The following FHIT variants were observed in gnomAD, a reference collection of about 807,000 sequenced individuals.
FHIT encodes the protein bis(5'-adenosyl)-triphosphatase.
FHIT carries 19 observed loss-of-function variants against 17.9 expected under a neutral mutation model. That is an observed-to-expected ratio of 1.06 (90% CI 0.74 to 1.56). The LOEUF is 1.56. Among genes scored for constraint, FHIT ranks in the 40% most tolerant of loss-of-function variants. The probability of loss-of-function intolerance (pLI) is 0.00; values close to 1 mark genes in which losing one functional copy is unlikely to be tolerated. For synonymous variants in FHIT, 81 were observed against 69.7 expected (o/e 1.16, Z -0.81); for missense variants, 248 against 189.2 (o/e 1.31, Z -1.82).
At chr3:60,001,935 G>T (rs1369568344) in intron 7 of FHIT, among the ~76,000 whole-genome samples, 1 of 152,160 alleles carries the variant, frequency 6.6e-6, no homozygotes, top group African/African-American at 2.4e-5. Context: ...AGGGCACCAG[G>T]ATGGAAAGCA....
intron 3 of FHIT, among the ~76,000 whole-genome samples, chr3:60,848,618 A>G (rs75825556): frequency 0.025 from 3,877 of 152,240 alleles, 166 homozygotes; most frequent in African/African-American, 0.087. Flanking sequence ...AATACAACCT[A>G]GAGTAAGTCA....
chr3:60,860,286 T>A (rs973060157), intron 3 of FHIT, among the ~76,000 whole-genome samples: 1 of 148,696 alleles, frequency 6.7e-6, no homozygotes, highest in Non-Finnish European at 1.5e-5. Context: ...ACATCATATG[T>A]ATACATGAGA....
chr3:60,734,731 G>T (rs1025411717), intron 4 of FHIT, among the ~76,000 whole-genome samples: 16 of 152,224 alleles, frequency 1.1e-4, no homozygotes, highest in Admixed American at 8.5e-4. Context: ...AAGTTGACCA[G>T]TCAAGAAGAA....
intron 8 of FHIT, among the ~76,000 whole-genome samples, chr3:59,850,071 T>C (rs561185220): frequency 7.0e-4 from 106 of 152,322 alleles, no homozygotes; most frequent in African/African-American, 2.4e-3. Context: ...AATGCTAACA[T>C]GAAATTCCCT....
At chr3:61,083,421 T>G (rs2035207579) in intron 2 of FHIT, among the ~76,000 whole-genome samples, 1 of 152,094 alleles carries the variant, frequency 6.6e-6, no homozygotes, top group African/African-American at 2.4e-5. Flanking sequence ...AAACCCCGTC[T>G]CTACTAAAAA....
chr3:60,215,891 A>G (rs953939383), intron 5 of FHIT, among the ~76,000 whole-genome samples: 1 of 152,202 alleles, frequency 6.6e-6, no homozygotes, highest in African/African-American at 2.4e-5. Flanking sequence ...TAATTTTTGG[A>G]TTAATTTTGA....
At chr3:60,389,824 G>C (rs749549817) in intron 5 of FHIT, among the ~76,000 whole-genome samples, 10 of 152,044 alleles carry the variant, frequency 6.6e-5, no homozygotes, top group Admixed American at 1.3e-4. Context: ...TTGACTAACT[G>C]TCATCTCCTT....
intron 2 of FHIT, among the ~76,000 whole-genome samples, chr3:61,180,309 T>G (rs921387031): frequency 1.3e-5 from 2 of 152,220 alleles, no homozygotes; most frequent in Non-Finnish European, 1.5e-5. Context: ...TGTGGTGAAC[T>G]TTCATAATAA....
intron 8 of FHIT, among the ~76,000 whole-genome samples, chr3:59,769,099 G>A (rs1701947485): frequency 6.6e-6 from 1 of 152,180 alleles, no homozygotes; most frequent in Non-Finnish European, 1.5e-5. Context: ...GTCTGTGCCT[G>A]CACACAGAGG....
chr3:59,776,933 C>T (rs1264589382), intron 8 of FHIT, among the ~76,000 whole-genome samples: 1 of 152,096 alleles, frequency 6.6e-6, no homozygotes, highest in African/African-American at 2.4e-5. Flanking sequence ...TAACCTATAA[C>T]TCCTGTTCCA....
At chr3:60,444,992 G>A (rs186660063) in intron 5 of FHIT, among the ~76,000 whole-genome samples, 33 of 152,222 alleles carry the variant, frequency 2.2e-4, no homozygotes, top group African/African-American at 7.0e-4. Context: ...ATTGAAAAGC[G>A]ATGAAAGGAA....
At chr3:61,062,988 T>G (rs1209509610) in intron 2 of FHIT, among the ~76,000 whole-genome samples, 3 of 152,104 alleles carry the variant, frequency 2.0e-5, no homozygotes, top group Non-Finnish European at 4.4e-5. Flanking sequence ...TTCTTCTTCA[T>G]CATCTTCGTC....
chr3:60,887,667 A>G (rs1340845054), intron 3 of FHIT, among the ~76,000 whole-genome samples: 2 of 152,180 alleles, frequency 1.3e-5, no homozygotes, highest in East Asian at 1.9e-4. Flanking sequence ...ACAAAAAAAA[A>G]GAGTAAATAA....
At chr3:61,133,503 C>G (rs953398362) in intron 2 of FHIT, among the ~76,000 whole-genome samples, 1 of 152,062 alleles carries the variant, frequency 6.6e-6, no homozygotes, top group Non-Finnish European at 1.5e-5. Context: ...CCAGAATAAA[C>G]AAGGTAAATT....
chr3:61,018,203 T>A (rs1216813304), intron 3 of FHIT, among the ~76,000 whole-genome samples: 1 of 152,180 alleles, frequency 6.6e-6, no homozygotes, highest in Non-Finnish European at 1.5e-5. Flanking sequence ...ACCTAGTAAG[T>A]GATGGAACCA....
intron 5 of FHIT, among the ~76,000 whole-genome samples, chr3:60,226,150 G>A (rs1249950594): frequency 1.3e-5 from 2 of 152,072 alleles, no homozygotes; most frequent in African/African-American, 2.4e-5. Flanking sequence ...CAGAGGACTT[G>A]TACAACAGAG....
At chr3:61,081,189 TAGAG>T (rs931877353) in intron 2 of FHIT, among the ~76,000 whole-genome samples, 1 of 152,108 alleles carries the variant, frequency 6.6e-6, no homozygotes, top group Admixed American at 6.5e-5. Context: ...CATAATAAAA[TAGAG>T]AGGCTGTGTC....
intron 9 of FHIT, 88 bp from the exon 10 acceptor site, chr3:59,749,667 C>A (rs1355329074): frequency 8.7e-6 from 2 of 229,522 alleles, no homozygotes; most frequent in East Asian, 1.2e-4. Flanking sequence ...AAATGGTTAG[C>A]ATCTGGTGCT....
intron 5 of FHIT, among the ~76,000 whole-genome samples, chr3:60,157,855 C>G (rs2107353244): frequency 6.6e-6 from 1 of 151,762 alleles, no homozygotes; most frequent in African/African-American, 2.4e-5. Flanking sequence ...TATGGGTGAC[C>G]CCAGATCTTC....
Sources: gnomAD v4.1 joint callset for allele counts (sites outside exome capture counted in the v4.1 genomes callset) on GRCh38, gnomAD v4.1.1 for gene constraint, MANE v1.5 for transcripts, NCBI Gene and HGNC (gene_info 2026-07-23, HGNC 2026-07-21) for gene names.